JARID2: variants seen among roughly 807,000 people sequenced by gnomAD.
JARID2 encodes jumonji and AT-rich interaction domain containing 2.
JARID2 carries 21 observed loss-of-function variants against 125.6 expected under a neutral mutation model. The ratio of observed to expected loss-of-function variants is 0.17; its 90% confidence interval spans 0.12 to 0.24. The LOEUF is 0.24. JARID2 is among the 10% of genes least tolerant of loss of function. JARID2 has a pLI of 1.00. For synonymous variants in JARID2, 736 were observed against 661.6 expected, an observed-to-expected ratio of 1.11 and a Z score of -1.73; for missense variants, 1,303 against 1,639.6, an observed-to-expected ratio of 0.79 and a Z score of 3.55.
chr6:15,471,352 G>T (rs1561886247), intron 5 of JARID2, among the ~76,000 whole-genome samples: 1 of 152,178 alleles, frequency 6.6e-6, no homozygotes, highest in Non-Finnish European at 1.5e-5. Flanking sequence ...ACTTTTTCTT[G>T]TGAAGGAATT....
chr6:15,302,249 C>T (rs1372030798), intron 1 of JARID2, among the ~76,000 whole-genome samples: 4 of 152,154 alleles, frequency 2.6e-5, no homozygotes, highest in Non-Finnish European at 5.9e-5. Flanking sequence ...AACCCCATCT[C>T]TACTAAAAAT....
At chr6:15,264,693 T>G (rs772574312) in intron 1 of JARID2, among the ~76,000 whole-genome samples, 24 of 152,070 alleles carry the variant, frequency 1.6e-4, no homozygotes, top group Non-Finnish European at 3.1e-4. Flanking sequence ...GAGTTAATAT[T>G]TTAAACTTTG....
chr6:15,349,041 G>A (rs1052541719), intron 1 of JARID2, among the ~76,000 whole-genome samples: 5 of 152,176 alleles, frequency 3.3e-5, no homozygotes, highest in Non-Finnish European at 4.4e-5. Context: ...AGGGAAAAAT[G>A]TTTTCACTGA....
chr6:15,468,169 CTTTTT>C (rs10700305), intron 4 of JARID2, among the ~76,000 whole-genome samples: 1 of 134,846 alleles, frequency 7.4e-6, no homozygotes. Context: ...TCTTCTCTGT[CTTTTT>C]TTTTTTTTTT....
chr6:15,442,471 G>A (rs1163318174), intron 3 of JARID2, among the ~76,000 whole-genome samples: 1 of 152,180 alleles, frequency 6.6e-6, no homozygotes, highest in East Asian at 1.9e-4. Flanking sequence ...GACTCTTACT[G>A]TCTTTATGTA....
intron 1 of JARID2, among the ~76,000 whole-genome samples, chr6:15,275,681 C>G (rs1025700401): frequency 8.5e-5 from 13 of 152,144 alleles, no homozygotes; most frequent in Middle Eastern, 3.4e-3. Flanking sequence ...GTGAATTTAA[C>G]AGCATTGCAA....
chr6:15,510,448 C>T (rs759457664), intron 12 of JARID2, among the ~76,000 whole-genome samples: 88 of 152,320 alleles, frequency 5.8e-4, no homozygotes, highest in Non-Finnish European at 9.9e-4. Context: ...AAACCTCCTC[C>T]CCTCCCTGTG....
chr6:15,385,537 A>T (rs906905402), intron 2 of JARID2, among the ~76,000 whole-genome samples: 2 of 150,520 alleles, frequency 1.3e-5, no homozygotes, highest in East Asian at 3.9e-4. Flanking sequence ...TATTTTATAG[A>T]TATTTATTAT....
In JARID2 at chr6:15,508,069, C is replaced by T. The variant is rs536983536; in HGVS notation, c.2732-271C>T. On this transcript the variant is annotated intron_variant, in intron 11 of 17. Transcript: ENST00000341776. ...GCTTCGGCCCGTGGGCGGCCGGTTC[C>T]TCGGCATTCCTCACCAGGTCAGGTT... 3.3e-5 allele frequency among the ~76,000 whole-genome samples: 5 copies of T among 152,378 alleles called. No individual in the cohort carries two copies. The South Asian group carries it at 6.2e-4, about 19-fold the overall frequency.
intron 2 of JARID2, among the ~76,000 whole-genome samples, chr6:15,408,123 G>A (rs1765723929): frequency 6.6e-6 from 1 of 152,000 alleles, no homozygotes; most frequent in Middle Eastern, 3.2e-3. Flanking sequence ...GATTAGCTGG[G>A]CATGGTGGCA....
intron 6 of JARID2, among the ~76,000 whole-genome samples, chr6:15,490,011 T>A (rs1167463712): frequency 6.6e-6 from 1 of 152,240 alleles, no homozygotes; most frequent in Non-Finnish European, 1.5e-5. Context: ...CTGGGCCCTA[T>A]TATTCCTTTG....
At chr6:15,374,731 T>C (rs2072819) in intron 2 of JARID2, among the ~76,000 whole-genome samples, 62,104 of 152,030 alleles carry the variant, frequency 0.41, 12,773 homozygotes, top group Admixed American at 0.47. Flanking sequence ...AGAAGTGTGC[T>C]TCTTCCTGGA....
intron 1 of JARID2, among the ~76,000 whole-genome samples, chr6:15,300,712 TG>T (rs1561779523): frequency 7.1e-6 from 1 of 139,922 alleles, no homozygotes; most frequent in African/African-American, 2.9e-5. Flanking sequence ...TGTGTGTGTG[TG>T]TGTGTGTGTG....
intron 1 of JARID2, among the ~76,000 whole-genome samples, chr6:15,359,168 C>G (rs1437718470): frequency 2.6e-5 from 4 of 152,190 alleles, no homozygotes; most frequent in Non-Finnish European, 5.9e-5. Flanking sequence ...AGAAGAAATT[C>G]AAACCACAGT....
At chr6:15,516,945 TGAA>T (rs907559973) in intron 16 of JARID2, among the ~76,000 whole-genome samples, 2 of 152,184 alleles carry the variant, frequency 1.3e-5, no homozygotes, top group African/African-American at 4.8e-5. Context: ...CCTTCCTAGT[TGAA>T]GACCATGTTC....
At chr6:15,276,984 A>G (rs183876208) in intron 1 of JARID2, among the ~76,000 whole-genome samples, 3 of 152,338 alleles carry the variant, frequency 2.0e-5, no homozygotes, top group South Asian at 4.1e-4. Flanking sequence ...GCTTGTTACC[A>G]TGAAGTTCGT....
chr6:15,302,133 A>G lies in JARID2; in HGVS notation c.45+55549A>G, dbSNP rs548386757. ...ACATGTTACTTGAAGAGTAATGAAG[A>G]GGCCGGGTGCAGTGGCTCATGCCTG... is the stretch of plus-strand genomic sequence containing the variant. On this transcript the variant is annotated intron_variant, in intron 1 of 17. Coordinates refer to ENST00000341776, the MANE Select transcript of JARID2 (RefSeq NM_004973.4). Among the ~76,000 whole-genome samples the G allele has an allele frequency of 5.9e-5, 9 of 152,264 alleles. No homozygotes were observed. In the South Asian group the frequency reaches 1.9e-3, roughly 32 times the overall value.
intron 1 of JARID2, among the ~76,000 whole-genome samples, chr6:15,370,300 G>C (rs937908210): frequency 1.1e-4 from 17 of 148,614 alleles, no homozygotes; most frequent in African/African-American, 4.2e-4. Context: ...GAGTTTGCTT[G>C]ACCTCTAATG....
chr6:15,451,420 T>C (rs867942897), intron 3 of JARID2, among the ~76,000 whole-genome samples: 29 of 152,214 alleles, frequency 1.9e-4, no homozygotes, highest in African/African-American at 6.3e-4. Context: ...GGGGCGTAGA[T>C]AGACTAGAGA....
Sources: gnomAD v4.1 joint callset for allele counts (sites outside exome capture counted in the v4.1 genomes callset) on GRCh38, gnomAD v4.1.1 for gene constraint, MANE v1.5 for transcripts, NCBI Gene and HGNC (gene_info 2026-07-23, HGNC 2026-07-21) for gene names.